The following HYDIN variants were observed in gnomAD, a reference collection of about 807,000 sequenced individuals.
HYDIN encodes axonemal central pair apparatus protein HYDIN.
In HYDIN, 132 loss-of-function variants were observed where a neutral mutation model predicts 403.9. The ratio of observed to expected loss-of-function variants is 0.33; its 90% CI spans 0.28 to 0.38. HYDIN has a LOEUF of 0.38. Among genes scored for constraint, HYDIN ranks in the 10% least tolerant of loss-of-function variants. The pLI, the probability that HYDIN is intolerant of heterozygous loss-of-function variation, is 1.00. For synonymous variants in HYDIN, 1,202 were observed against 1,891.7 expected (o/e 0.64, Z 9.46); for missense variants, 2,827 against 5,009.5 (o/e 0.56, Z 13.15).
chr16:71,148,631 A>G (rs565137311), intron 7 of HYDIN, among the ~76,000 whole-genome samples: 1 of 151,986 alleles, frequency 6.6e-6, no homozygotes, highest in East Asian at 1.9e-4. Context: ...TAAAATAGAT[A>G]AACTGTACTT....
rs965962237 is a variant in HYDIN at position 70,840,226 on chromosome 16, T to C, written c.12881A>G (p.His4294Arg). The change falls in exon 76 of 86, where the codon CAT becomes CGT. Residue 4294 changes from histidine (H) to arginine (R), a missense_variant. Transcript: ENST00000393567. ...GATGTTGCACATAAATGTTGGACCA[T>C]GGCTGATCTGTGAGGAGGAAATGGC... ...TDLELIIKIS[H>R]GPTFMCNISG... The C allele has an allele frequency of 2.4e-5, 21 of 861,770 alleles. No homozygotes were observed. Among genetic ancestry groups the C allele is most frequent in the African/African-American group, 5.9e-5 (3 of 51,262 alleles). 53.4% of individuals were successfully genotyped at this position (861,770 alleles called of 1,614,324 possible). A position where few individuals can be genotyped will look rare whatever the true frequency, so the allele number is the denominator to read the frequency against.
At chr16:70,833,192 A>G in intron 79 of HYDIN, 125 bp from the exon 80 acceptor site, 1 of 793,472 alleles carries the variant, frequency 1.3e-6, no homozygotes, top group Non-Finnish European at 1.9e-6. Flanking sequence ...CCTAGCACCT[A>G]GGAGGAGAAA....
At chr16:71,207,215 T>G (rs1389560336) in intron 1 of HYDIN, among the ~76,000 whole-genome samples, 1 of 152,174 alleles carries the variant, frequency 6.6e-6, no homozygotes, top group African/African-American at 2.4e-5. Flanking sequence ...CCCATCAGAC[T>G]AACAGCATAT....
At chr16:71,070,285 C>A (rs555840596) in intron 13 of HYDIN, among the ~76,000 whole-genome samples, 434 of 150,980 alleles carry the variant, frequency 2.9e-3, no homozygotes, top group Middle Eastern at 0.014. Context: ...TTCCTTCCTT[C>A]CTTCCTTCCT....
chr16:70,834,797 G>A (rs2037259889), intron 78 of HYDIN, among the ~76,000 whole-genome samples: 1 of 151,266 alleles, frequency 6.6e-6, no homozygotes, highest in South Asian at 2.1e-4. Flanking sequence ...GCAGTGAGCT[G>A]AGATCACACC....
At chr16:71,061,985 T>C (rs998826946) in intron 17 of HYDIN, among the ~76,000 whole-genome samples, 184 bp downstream of exon 17, 1 of 152,060 alleles carries the variant, frequency 6.6e-6, no homozygotes, top group Non-Finnish European at 1.5e-5. Context: ...GATGTAGCCA[T>C]AAACAGATTC....
At chr16:71,107,917 T>C (rs2083676031) in intron 10 of HYDIN, among the ~76,000 whole-genome samples, 1 of 152,060 alleles carries the variant, frequency 6.6e-6, no homozygotes, top group African/African-American at 2.4e-5. Flanking sequence ...GGAATCAACT[T>C]AAAAGCCCAT....
intron 57 of HYDIN, among the ~76,000 whole-genome samples, 166 bp from the exon 58 acceptor site, chr16:70,889,870 C>T (rs928728429): frequency 2.6e-5 from 4 of 152,182 alleles, no homozygotes; most frequent in Non-Finnish European, 5.9e-5. Context: ...TAATCACTGA[C>T]CAAACTCATT....
At chr16:71,189,780 AAAC>A (rs2087337109) in intron 1 of HYDIN, among the ~76,000 whole-genome samples, 1 of 151,716 alleles carries the variant, frequency 6.6e-6, no homozygotes, top group African/African-American at 2.4e-5. Flanking sequence ...AAAAAAAAAA[AAAC>A]AAACAACAAT....
chr16:70,966,139 C>T (rs1195734008), intron 36 of HYDIN, among the ~76,000 whole-genome samples: 2 of 151,926 alleles, frequency 1.3e-5, no homozygotes, highest in African/African-American at 4.8e-5. Flanking sequence ...GCTGAAGTCT[C>T]CATTGCCATC....
chr16:71,110,253 A>G (rs2083761967), intron 10 of HYDIN, among the ~76,000 whole-genome samples: 1 of 145,700 alleles, frequency 6.9e-6, no homozygotes, highest in Non-Finnish European at 1.5e-5. Flanking sequence ...TATATATTAT[A>G]TTATATATAA....
chr16:71,098,353 C>T (rs996400732), intron 10 of HYDIN, among the ~76,000 whole-genome samples: 3 of 151,926 alleles, frequency 2.0e-5, no homozygotes, highest in South Asian at 2.1e-4. Context: ...AGACGCCCGC[C>T]ACCACGCCCG....
chr16:71,068,181 G>T (rs2082338876), intron 14 of HYDIN, among the ~76,000 whole-genome samples: 1 of 149,444 alleles, frequency 6.7e-6, no homozygotes, highest in Non-Finnish European at 1.5e-5. Context: ...GACTTGTTAT[G>T]ATTTTTAATT....
At chr16:71,135,093 T>G (rs1219094820) in intron 8 of HYDIN, among the ~76,000 whole-genome samples, 1 of 151,986 alleles carries the variant, frequency 6.6e-6, no homozygotes, top group Non-Finnish European at 1.5e-5. Context: ...AGTCTATTAG[T>G]TAAAAGAGGG....
chr16:71,004,379 T>C, intron 23 of HYDIN, among the ~76,000 whole-genome samples: 1 of 151,524 alleles, frequency 6.6e-6, no homozygotes, highest in African/African-American at 2.4e-5. Context: ...GACTTTAACA[T>C]GTCTTCATAT....
At chr16:71,212,148 T>C (rs896566623) in intron 1 of HYDIN, among the ~76,000 whole-genome samples, 3 of 152,224 alleles carry the variant, frequency 2.0e-5, no homozygotes, top group Non-Finnish European at 4.4e-5. Context: ...GTGGACATTA[T>C]TGAAAAATCA....
intron 22 of HYDIN, among the ~76,000 whole-genome samples, 166 bp downstream of exon 22, chr16:71,020,008 T>G (rs2080422977): frequency 6.6e-6 from 1 of 152,150 alleles, no homozygotes; most frequent in South Asian, 2.1e-4. Context: ...TTTCTCCATC[T>G]GATTTACCAC....
At chr16:70,812,265 G>C (rs1344212274) in intron 84 of HYDIN, among the ~76,000 whole-genome samples, 1 of 137,296 alleles carries the variant, frequency 7.3e-6, no homozygotes, top group Non-Finnish European at 1.6e-5. Context: ...TAAGGCAGGA[G>C]GATCACTTGA....
intron 5 of HYDIN, among the ~76,000 whole-genome samples, chr16:71,170,364 A>G (rs764473683): frequency 2.0e-5 from 3 of 152,224 alleles, no homozygotes; most frequent in Non-Finnish European, 2.9e-5. Context: ...AAAATAAAAC[A>G]TAACAGACAT....
Sources: allele counts gnomAD v4.1 joint callset (sites outside exome capture counted in the v4.1 genomes callset), GRCh38; gene constraint gnomAD v4.1.1; transcripts MANE v1.5; gene names NCBI Gene and HGNC (gene_info 2026-07-23, HGNC 2026-07-21).